Variants in RELN observed in about 807,000 individuals in gnomAD.
The protein encoded by RELN is reelin.
RELN carries 108 observed loss-of-function variants against 427.6 expected under a neutral mutation model. The ratio of observed to expected loss-of-function variants is 0.25; its 90% CI spans 0.22 to 0.30. The LOEUF is 0.30. Among genes scored for constraint, RELN ranks in the 10% least tolerant of loss-of-function variants. RELN has a pLI of 1.00. For synonymous variants in RELN, 1,524 were observed against 1,513.4 expected (o/e 1.01, Z -0.16); for missense variants, 3,715 against 4,302.8 (o/e 0.86, Z 3.82).
intron 11 of RELN, among the ~76,000 whole-genome samples, chr7:103,676,363 T>C (rs1162517831): frequency 6.6e-6 from 1 of 152,118 alleles, no homozygotes; most frequent in Non-Finnish European, 1.5e-5. Flanking sequence ...CCAGTTAGAA[T>C]GGCAATCATT....
intron 40 of RELN, among the ~76,000 whole-genome samples, chr7:103,552,360 T>A (rs1584288361): frequency 6.6e-6 from 1 of 152,310 alleles, no homozygotes; most frequent in East Asian, 1.9e-4. Flanking sequence ...CCATCTATAG[T>A]TATAGTTATA....
rs150709996 is a variant in RELN at position 103,986,060 on chromosome 7, A to T, written c.226+3071T>A. Among the ~76,000 whole-genome samples, 9 of 152,284 alleles carry T rather than the reference A, an allele frequency of 5.9e-5. No individual in the cohort carries two copies. In the East Asian group the frequency reaches 1.7e-3, roughly 29 times the overall value. On this transcript the variant is annotated intron_variant, in intron 1 of 64. Transcript: ENST00000428762. ...CTTAGGATTTGTGCAAAAAAAAAGG[A>T]AATTCTAGGAAAAAAAAAATGTTCT...
chr7:103,649,283 C>T (rs1171058144), intron 16 of RELN, among the ~76,000 whole-genome samples: 4 of 152,012 alleles, frequency 2.6e-5, no homozygotes, highest in African/African-American at 9.7e-5. Context: ...GTGTCTTTTG[C>T]TACAACATAG....
chr7:103,717,059 A>G (rs895562749), intron 8 of RELN, among the ~76,000 whole-genome samples: 7 of 152,184 alleles, frequency 4.6e-5, no homozygotes, highest in Admixed American at 1.3e-4. Flanking sequence ...GACAAATTGA[A>G]TATCTCAAAA....
intron 23 of RELN, among the ~76,000 whole-genome samples, chr7:103,604,020 G>A (rs943653135): frequency 2.0e-5 from 3 of 152,134 alleles, no homozygotes; most frequent in African/African-American, 7.2e-5. Context: ...AAGAGGGCAT[G>A]CAGCAGGGTT....
intron 2 of RELN, among the ~76,000 whole-genome samples, chr7:103,906,960 C>G (rs1795220548): frequency 6.6e-6 from 1 of 152,064 alleles, no homozygotes; most frequent in African/African-American, 2.4e-5. Flanking sequence ...ACTATTTTTT[C>G]CTATTTACAC....
chr7:103,522,139 T>G lies in RELN; in HGVS notation c.7551A>C (p.Gln2517His). Residue 2517 changes from glutamine (Q) to histidine (H), a missense_variant, in exon 48 of 65, where the codon CAA (glutamine) becomes CAC (histidine). By Grantham distance (24) the Gln-to-His change is conservative. Transcript: ENST00000428762. ...CDDPETSLPT[Q>H]LKDNFNRAPS... ...GAGCTCGATTGAAGTTGTCTTTGAG[T>G]TGGGTTGGAAGAGAGGTCTCGGGGT... is the stretch of plus-strand genomic sequence containing the variant. The G allele has an allele frequency of 1.9e-6, 3 of 1,613,796 alleles. No individual in the cohort carries two copies. Among genetic ancestry groups the G allele is most frequent in the Non-Finnish European group, 2.5e-6 (3 of 1,179,970 alleles).
intron 11 of RELN, among the ~76,000 whole-genome samples, chr7:103,674,180 G>GA (rs5886265): frequency 0.09 from 13,612 of 151,908 alleles, 979 homozygotes; most frequent in African/African-American, 0.19. Context: ...TGATATTCAG[G>GA]AAAAAAATCC....
intron 1 of RELN, among the ~76,000 whole-genome samples, chr7:103,938,014 C>G (rs901652961): frequency 6.6e-6 from 1 of 152,032 alleles, no homozygotes; most frequent in African/African-American, 2.4e-5. Flanking sequence ...CATGCAAAAG[C>G]TACTTTAGAA....
rs1586462553 is a variant in RELN at position 103,478,644 on chromosome 7, T to C, written c.10281-250A>G. 2.0e-5 allele frequency: 8 copies of C among 401,054 alleles called. No individual in the cohort carries two copies. The East Asian group carries it at 3.4e-4, about 17-fold the overall frequency. 24.8% of individuals were successfully genotyped at this position (401,054 alleles called of 1,614,324 possible). ...TCATAACCATATGTTAAGGTACATGTAGCTGTAGTACTACATTTGGCATAA... is the reference window on the plus strand; with the variant it reads ...TCATAACCATATGTTAAGGTACATGCAGCTGTAGTACTACATTTGGCATAA... On this transcript the variant is annotated intron_variant, in intron 63 of 64. Transcript: ENST00000428762.
chr7:103,711,057 TTAAA>T (rs200243095), intron 8 of RELN, among the ~76,000 whole-genome samples: 1,526 of 152,102 alleles, frequency 0.01, 19 homozygotes, highest in African/African-American at 0.035. Context: ...AAAAATTTTT[TTAAA>T]TAAATAAATA....
At chr7:103,970,941 A>T (rs1289486855) in intron 1 of RELN, among the ~76,000 whole-genome samples, 1 of 152,108 alleles carries the variant, frequency 6.6e-6, no homozygotes, top group South Asian at 2.1e-4. Context: ...GGATCACCTG[A>T]GGTCAGGAGT....
intron 2 of RELN, among the ~76,000 whole-genome samples, chr7:103,912,370 G>C (rs1385861761): frequency 2.0e-5 from 3 of 152,000 alleles, no homozygotes; most frequent in African/African-American, 7.2e-5. Context: ...ATTTTTAGTA[G>C]AGATGGGGTT....
rs556251824 is a variant in RELN at position 103,870,071 on chromosome 7, A to G, written c.338-36399T>C. ...AGCTTTTGCACTTTGCAGGTCTAGA[A>G]TTTCGGTTTGGTTTTTTTATTACAG... On this transcript the variant is annotated intron_variant, in intron 2 of 64. Coordinates refer to ENST00000428762, the MANE Select transcript of RELN (RefSeq NM_005045.4). Among the ~76,000 whole-genome samples the G allele has an allele frequency of 2.0e-5, 3 of 152,104 alleles. No homozygotes were observed. In the South Asian group the frequency reaches 6.2e-4, roughly 32 times the overall value.
At chr7:103,495,069 T>C (rs1828795286) in intron 57 of RELN, among the ~76,000 whole-genome samples, 1 of 151,874 alleles carries the variant, frequency 6.6e-6, no homozygotes, top group African/African-American at 2.4e-5. Context: ...TTTACAAGGG[T>C]AGGGAGACTG....
Position 103,523,443 on chromosome 7 carries a change from C to T in RELN, c.7438G>A (p.Gly2480Ser), listed in dbSNP as rs150236371. 4,885 of 1,614,086 alleles carry T rather than the reference C, an allele frequency of 3.0e-3. 7 individuals carry two copies. The highest frequency in any genetic ancestry group is 3.3e-3 in the Non-Finnish European group (3,848 of 1,180,012). The change falls in exon 47 of 65, where the codon GGC becomes AGC. Residue 2480 changes from glycine to serine, a missense_variant. Coordinates refer to ENST00000428762, the MANE Select transcript of RELN (RefSeq NM_005045.4). ...WAIDNVYIGD[G>S]CIDMCSGHGR... ...TGGCCACTGCACATGTCTATGCAGCCATCCCCGATATAGACATTATCTATT... is the reference window on the plus strand; with the variant it reads ...TGGCCACTGCACATGTCTATGCAGCTATCCCCGATATAGACATTATCTATT...
At chr7:103,865,173 A>G (rs912171439) in intron 2 of RELN, among the ~76,000 whole-genome samples, 5 of 150,284 alleles carry the variant, frequency 3.3e-5, no homozygotes, top group African/African-American at 1.2e-4. Context: ...AGAAATTCTT[A>G]GAAACATACA....
intron 1 of RELN, among the ~76,000 whole-genome samples, chr7:103,954,698 G>T (rs1796399339): frequency 6.6e-6 from 1 of 152,190 alleles, no homozygotes; most frequent in South Asian, 2.1e-4. Flanking sequence ...TAATATGTCA[G>T]AAAGAGATAT....
chr7:103,620,455 A>C lies in RELN; in HGVS notation c.2703-8652T>G, dbSNP rs1031709889. ...TATCTCCAGATTCGATTTTGGTTGA[A>C]GATAACTCACCCGATCCACATTTTT... On this transcript the variant is annotated intron_variant, in intron 20 of 64. Transcript: ENST00000428762. This position sits in a 1 kb window ranked among gnomAD's most constrained non-coding sequence, Gnocchi z 4.1. Among the ~76,000 whole-genome samples the C allele has an allele frequency of 6.7e-6, 1 of 148,996 alleles. No individual in the cohort carries two copies. Among genetic ancestry groups the C allele is most frequent in the Non-Finnish European group, 1.5e-5 (1 of 67,676 alleles).
Sources: gnomAD v4.1 joint callset for allele counts (sites outside exome capture counted in the v4.1 genomes callset) on GRCh38, gnomAD v4.1.1 for gene constraint, Gnocchi (gnomAD v3.1) non-coding constraint, MANE v1.5 for transcripts, NCBI Gene and HGNC (gene_info 2026-07-23, HGNC 2026-07-21) for gene names.